Variants in SNAI1 observed in about 807,000 individuals in gnomAD.
SNAI1 encodes zinc finger protein SNAI1.
SNAI1 carries 15 observed loss-of-function variants against 24.7 expected under a neutral mutation model. The observed-to-expected ratio is 0.61, with a 90% CI of 0.41 to 0.93. The LOEUF (loss-of-function observed/expected upper bound fraction) is 0.93, where lower values mean the gene tolerates loss of function less well. Among genes scored for constraint, SNAI1 ranks in the 40% least tolerant of loss-of-function variants. The pLI, the probability that SNAI1 is intolerant of heterozygous loss-of-function variation, is 0.00. For missense variants in SNAI1, 283 were observed against 336.7 expected (o/e 0.84, Z 1.25); for synonymous variants, 163 against 142.9 (o/e 1.14, Z -1.00).
intron 2 of SNAI1, among the ~76,000 whole-genome samples, chr20:49,985,302 G>A (rs2146879726): frequency 6.6e-6 from 1 of 152,314 alleles, no homozygotes; most frequent in East Asian, 1.9e-4. Flanking sequence ...GGTTCAAGCT[G>A]GCCAGGTTCT....
chr20:49,984,368 G>T lies in SNAI1; in HGVS notation c.610+17G>T. 6.4e-7 allele frequency: 1 copy of T among 1,569,708 alleles called. No homozygotes were observed. The highest frequency in any genetic ancestry group is 1.4e-5 in the African/African-American group (1 of 73,834). On this transcript the variant is annotated intron_variant, in intron 2 of 2. Coordinates refer to ENST00000244050, the MANE Select transcript of SNAI1 (RefSeq NM_005985.4). ...CCCACACTGGTACGTGCCCCTCCAGGCGCCCCCACCGTTGCTCTCTCTGGC... is the reference window on the plus strand; with the variant it reads ...CCCACACTGGTACGTGCCCCTCCAGTCGCCCCCACCGTTGCTCTCTCTGGC...
chr20:49,983,877 C>T lies in SNAI1; in HGVS notation c.136C>T (p.Pro46Ser). ...GGCCCACCTGCTGGCAGCCATCCCA[C>T]CTCCGGAGATCCTCAACCCCACCGC... ...DQAHLLAAIP[P>S]PEILNPTASL... Residue 46 changes from proline to serine, a missense_variant, in exon 2 of 3, where the codon CCT becomes TCT. Physicochemically the swap from Pro to Ser is moderately conservative, Grantham distance 74. Transcript: ENST00000244050. 1.2e-6 allele frequency: 2 copies of T among 1,612,310 alleles called. No homozygotes were observed. Among genetic ancestry groups the T allele is most frequent in the Non-Finnish European group, 1.7e-6 (2 of 1,179,572 alleles).
At chr20:49,986,430 T>C (rs2078334088) in intron 2 of SNAI1, among the ~76,000 whole-genome samples, 1 of 152,136 alleles carries the variant, frequency 6.6e-6, no homozygotes, top group Admixed American at 6.6e-5. Context: ...GGTAGCTCAG[T>C]GTGGCACCCT....
chr20:49,987,562 C>T (rs192667153), intron 2 of SNAI1, among the ~76,000 whole-genome samples: 35 of 152,222 alleles, frequency 2.3e-4, no homozygotes, highest in African/African-American at 8.2e-4. Flanking sequence ...CACGTCCCTG[C>T]GGGATGTGGA....
At chr20:49,986,670 G>A (rs1450659386) in intron 2 of SNAI1, among the ~76,000 whole-genome samples, 2 of 151,910 alleles carry the variant, frequency 1.3e-5, no homozygotes, top group African/African-American at 2.4e-5. Context: ...TTGCTTTATC[G>A]CCTAGGCTTG....
Position 49,983,017 on chromosome 20 carries a change from C to A in SNAI1, c.-43C>A. 1.4e-6 allele frequency: 2 copies of A among 1,438,496 alleles called. No individual in the cohort carries two copies. Among genetic ancestry groups the A allele is most frequent in the African/African-American group, 2.8e-5 (2 of 71,644 alleles). 89.1% of individuals were successfully genotyped at this position (1,438,496 alleles called of 1,614,324 possible). On this transcript the variant is annotated 5_prime_UTR_variant, in exon 1 of 3. Transcript: ENST00000244050. The stretch of plus-strand genomic sequence containing the variant: ...CACGGCCTAGCGAGTGGTTCTTCTG[C>A]GCTACTGCTGCGCGAATCGGCGACC...
intron 2 of SNAI1, among the ~76,000 whole-genome samples, chr20:49,986,286 A>G (rs1475251093): frequency 3.9e-5 from 6 of 151,924 alleles, no homozygotes; most frequent in African/African-American, 2.4e-5. Flanking sequence ...CCAATCCTCT[A>G]TGTCCCCCAC....
At chr20:49,983,712 C>G in intron 1 of SNAI1, 112 bp from the exon 2 acceptor site, 1 of 1,072,632 alleles carries the variant, frequency 9.3e-7, no homozygotes, top group East Asian at 2.5e-5. Context: ...TTTTTTTGAT[C>G]TAATTATGTA....
intron 2 of SNAI1, among the ~76,000 whole-genome samples, chr20:49,986,232 T>C (rs1342253378): frequency 1.3e-5 from 2 of 152,214 alleles, no homozygotes; most frequent in Non-Finnish European, 2.9e-5. Flanking sequence ...GTGTGGAGGC[T>C]GCTGAGTAAT....
chr20:49,983,274 C>T (rs747354038), intron 1 of SNAI1, 133 bp downstream of exon 1: 2 of 718,008 alleles, frequency 2.8e-6, no homozygotes, highest in Non-Finnish European at 4.9e-6. Context: ...ATTGCGGGCT[C>T]GGGAGACCGG....
rs762132185 is a variant in SNAI1 at position 49,984,152 on chromosome 20, G to T, written c.411G>T (p.Lys137Asn). 21 of 1,614,120 alleles carry T rather than the reference G, an allele frequency of 1.3e-5. No homozygotes were observed. Among genetic ancestry groups the T allele is most frequent in the Non-Finnish European group, 4.2e-6 (5 of 1,180,058 alleles). Residue 137 changes from lysine to asparagine, a missense_variant, in exon 2 of 3, where the codon AAG (lysine) becomes AAT (asparagine). Coordinates refer to ENST00000244050, the MANE Select transcript of SNAI1 (RefSeq NM_005985.4). Reference sequence around the variant, plus strand: ...TCCCAGGCTTGGGCCAAGTGCCCAAGCAGCTGGCCCAGCTCTCTGAGGCCA... The same window carrying T: ...TCCCAGGCTTGGGCCAAGTGCCCAATCAGCTGGCCCAGCTCTCTGAGGCCA... ...AAFPGLGQVP[K>N]QLAQLSEAKD...
rs569530820 is a variant in SNAI1 at position 49,987,731 on chromosome 20, C to T, written c.611-141C>T. ...CTCCGTCAGGTCCCGGCCTTTGGAC[C>T]CTGGCTGTGTGTTTGACGGAGGCCT... is the stretch of plus-strand genomic sequence containing the variant. On this transcript the variant is annotated intron_variant, in intron 2 of 2. Transcript: ENST00000244050. 56 of 750,594 alleles carry T rather than the reference C, an allele frequency of 7.5e-5. No individual in the cohort carries two copies. The African/African-American group carries it at 9.5e-4, about 13-fold the overall frequency. The allele number at this position is 750,594 out of a possible 1,614,324, so 46.5% of individuals were successfully genotyped here.
rs145110995 is a variant in SNAI1, at chr20:49,987,710, G to A, written c.611-162G>A. ...GCACAGTGGGAAGCAGCAGAGCTCCGTCAGGTCCCGGCCTTTGGACCCTGG... is the reference window on the plus strand; with the variant it reads ...GCACAGTGGGAAGCAGCAGAGCTCCATCAGGTCCCGGCCTTTGGACCCTGG... On this transcript the variant is annotated intron_variant, in intron 2 of 2. Coordinates refer to ENST00000244050, the MANE Select transcript of SNAI1 (RefSeq NM_005985.4). Among the ~76,000 whole-genome samples the A allele has an allele frequency of 1.8e-4, 28 of 152,276 alleles. 1 individual carries two copies. The East Asian group carries it at 3.1e-3, about 17-fold the overall frequency.
At chr20:49,983,736 C>T (rs2146878725) in intron 1 of SNAI1, 88 bp from the exon 2 acceptor site, 2 of 1,324,436 alleles carry the variant, frequency 1.5e-6, no homozygotes, top group East Asian at 2.3e-5. Context: ...AGAATCGGCC[C>T]CACCCAGCCC....
Position 49,984,350 on chromosome 20 carries a change from T to C in SNAI1, c.609T>C (p.Thr203=), listed in dbSNP as rs750185426. The change falls in exon 2 of 3, where the codon ACT becomes ACC. Residue 203 remains threonine (T), a splice_region_variant and synonymous_variant. Coordinates refer to ENST00000244050, the MANE Select transcript of SNAI1 (RefSeq NM_005985.4). ...TACAAGGCCATGTCCGGACCCACAC[T>C]GGTACGTGCCCCTCCAGGCGCCCCC... ...WLLQGHVRTH[T]GEKPFSCPHC... 6.3e-6 allele frequency: 10 copies of C among 1,595,352 alleles called. No homozygotes were observed. In the African/African-American group the frequency reaches 1.1e-4, roughly 17 times the overall value.
At chr20:49,987,192 A>G (rs1282599465) in intron 2 of SNAI1, among the ~76,000 whole-genome samples, 1 of 151,802 alleles carries the variant, frequency 6.6e-6, no homozygotes, top group Non-Finnish European at 1.5e-5. Context: ...GAGATTTGGG[A>G]TTACAGCGCA....
chr20:49,985,781 CT>C (rs532035793), intron 2 of SNAI1, among the ~76,000 whole-genome samples: 46 of 152,378 alleles, frequency 3.0e-4, no homozygotes, highest in African/African-American at 1.1e-3. Flanking sequence ...TGGCAGGCCC[CT>C]TTAATCCGGG....
rs200360055 is a variant in SNAI1 at position 49,983,119 on chromosome 20, C to T, written c.60C>T (p.Ser20=). 6.2e-7 allele frequency: 1 copy of T among 1,613,608 alleles called. No homozygotes were observed. The highest frequency in any genetic ancestry group is 1.7e-5 in the Admixed American group (1 of 59,986). ...ACCCCAATCGGAAGCCTAACTACAGCGAGCTGCAGGACTCTAATCCAGGTG... is the reference window on the plus strand; with the variant it reads ...ACCCCAATCGGAAGCCTAACTACAGTGAGCTGCAGGACTCTAATCCAGGTG... ...PSDPNRKPNY[S]ELQDSNPEFT... Residue 20 remains serine (S), a synonymous_variant, in exon 1 of 3, where the codon AGC becomes AGT. Transcript: ENST00000244050.
At chr20:49,986,360 T>C (rs2078333882) in intron 2 of SNAI1, among the ~76,000 whole-genome samples, 1 of 152,070 alleles carries the variant, frequency 6.6e-6, no homozygotes, top group Non-Finnish European at 1.5e-5. Flanking sequence ...AGGCGCTCCA[T>C]AAGTCCCTAT....
Sources: gnomAD v4.1 joint callset for allele counts (sites outside exome capture counted in the v4.1 genomes callset) on GRCh38, gnomAD v4.1.1 for gene constraint, MANE v1.5 for transcripts, NCBI Gene and HGNC (gene_info 2026-07-23, HGNC 2026-07-21) for gene names.